The following LRMDA variants were observed in gnomAD, a reference collection of about 807,000 sequenced individuals.
The protein encoded by LRMDA is leucine-rich melanocyte differentiation-associated protein.
A neutral mutation model predicts 29.8 loss-of-function variants in LRMDA; 18 were observed. The ratio of observed to expected loss-of-function variants is 0.60; its 90% confidence interval spans 0.42 to 0.90. The LOEUF is 0.90. Among genes scored for constraint, LRMDA ranks in the 40% least tolerant of loss-of-function variants. The probability of loss-of-function intolerance (pLI) is 0.00; values close to 1 mark genes in which losing one functional copy is unlikely to be tolerated. For missense variants in LRMDA, 273 were observed against 273.9 expected (o/e 1.00, Z 0.02); for synonymous variants, 125 against 109.4 (o/e 1.14, Z -0.89).
intron 6 of LRMDA, among the ~76,000 whole-genome samples, chr10:76,554,001 A>G (rs1433638724): frequency 6.6e-6 from 1 of 152,096 alleles, no homozygotes; most frequent in Admixed American, 6.5e-5. Flanking sequence ...CAAGTAGCCA[A>G]GATATCAGTG....
intron 2 of LRMDA, among the ~76,000 whole-genome samples, chr10:75,589,799 G>A (rs541486533): frequency 2.4e-4 from 36 of 150,254 alleles, no homozygotes; most frequent in Non-Finnish European, 5.0e-4. Context: ...GAGAGTTTTT[G>A]GAGCTCTTTG....
intron 2 of LRMDA, among the ~76,000 whole-genome samples, chr10:75,810,283 T>C (rs1843935337): frequency 6.6e-6 from 1 of 152,052 alleles, no homozygotes; most frequent in Admixed American, 6.5e-5. Flanking sequence ...GACACTGGGT[T>C]TGGATTTTGC....
intron 6 of LRMDA, among the ~76,000 whole-genome samples, chr10:76,441,347 T>C (rs1342554991): frequency 6.6e-6 from 1 of 152,238 alleles, no homozygotes; most frequent in Non-Finnish European, 1.5e-5. Context: ...CAATTTCATT[T>C]TTTATCCTCA....
chr10:76,072,961 G>T (rs1005815345), intron 5 of LRMDA, among the ~76,000 whole-genome samples: 17 of 152,226 alleles, frequency 1.1e-4, no homozygotes, highest in Non-Finnish European at 1.9e-4. Context: ...GGTGTTTCCA[G>T]CATCGCAGAT....
At chr10:75,860,312 T>G (rs894506647) in intron 2 of LRMDA, among the ~76,000 whole-genome samples, 4 of 14,308 alleles carry the variant, frequency 2.8e-4, no homozygotes, top group African/African-American at 2.3e-3. Flanking sequence ...ATGTTTCTGG[T>G]TTTTTTTTTT....
chr10:75,598,267 C>T (rs1840826230), intron 2 of LRMDA, among the ~76,000 whole-genome samples: 1 of 152,170 alleles, frequency 6.6e-6, no homozygotes. Context: ...ATGAGTCCAA[C>T]TTTCGGTAGC....
chr10:76,032,067 T>G (rs980657675), intron 2 of LRMDA, among the ~76,000 whole-genome samples: 1 of 152,164 alleles, frequency 6.6e-6, no homozygotes, highest in African/African-American at 2.4e-5. Context: ...TTCTGGCTGG[T>G]TTTTGGCTGG....
rs936217666 is a variant in LRMDA at position 75,751,333 on chromosome 10, G to C, written c.132-284675G>C. ...AGAGAGGGAGAGGGAGAGGGAGACC[G>C]GGGAGAGGGAGAGGGAGACTGGGGA... On this transcript the variant is annotated intron_variant, in intron 2 of 6. Coordinates refer to ENST00000611255, the MANE Select transcript of LRMDA (RefSeq NM_001305581.2). Among the ~76,000 whole-genome samples, 5 of 151,680 alleles carry C rather than the reference G, an allele frequency of 3.3e-5. No homozygotes were observed. The South Asian group carries it at 6.3e-4, about 19-fold the overall frequency.
intron 2 of LRMDA, among the ~76,000 whole-genome samples, chr10:75,731,614 C>G (rs893660364): frequency 6.6e-6 from 1 of 152,206 alleles, no homozygotes; most frequent in African/African-American, 2.4e-5. Context: ...AGAAGTCATT[C>G]CCATCTCTGG....
chr10:76,268,974 T>G (rs1212635354), intron 5 of LRMDA, among the ~76,000 whole-genome samples: 1 of 152,180 alleles, frequency 6.6e-6, no homozygotes, highest in Non-Finnish European at 1.5e-5. Context: ...AGAAGGGCCC[T>G]GGATTTACAT....
chr10:75,535,025 T>C (rs1280937040), intron 2 of LRMDA, among the ~76,000 whole-genome samples: 3 of 152,208 alleles, frequency 2.0e-5, no homozygotes, highest in African/African-American at 7.2e-5. Flanking sequence ...CTGTCCACCA[T>C]GAAGAGGCTT....
At chr10:76,477,881 C>T (rs1347942119) in intron 6 of LRMDA, among the ~76,000 whole-genome samples, 1 of 152,116 alleles carries the variant, frequency 6.6e-6, no homozygotes, top group Admixed American at 6.6e-5. Flanking sequence ...CCTTTCCTTA[C>T]ACCTTATAGA....
intron 6 of LRMDA, among the ~76,000 whole-genome samples, chr10:76,386,796 A>C (rs1841665134): frequency 6.6e-6 from 1 of 151,986 alleles, no homozygotes; most frequent in South Asian, 2.1e-4. Flanking sequence ...GCTAGGAGAT[A>C]ATATTTTAAA....
intron 2 of LRMDA, among the ~76,000 whole-genome samples, chr10:75,772,541 G>A (rs1843254702): frequency 6.6e-6 from 1 of 152,216 alleles, no homozygotes; most frequent in Non-Finnish European, 1.5e-5. Context: ...AGGGATGAAT[G>A]CTACTTGGAA....
In LRMDA at chr10:75,600,479, C is replaced by T. The variant is rs1423983987; in HGVS notation, c.131+161985C>T. 2.0e-5 allele frequency among the ~76,000 whole-genome samples: 3 copies of T among 152,142 alleles called. No homozygotes were observed. The East Asian group carries it at 5.8e-4, about 29-fold the overall frequency. On this transcript the variant is annotated intron_variant, in intron 2 of 6. Transcript: ENST00000611255. ...TGCCACTGATCCTGTAGCTAAATTA[C>T]CCTATATAAACAAGCCTTTGTTATT... is the stretch of plus-strand genomic sequence containing the variant.
intron 6 of LRMDA, among the ~76,000 whole-genome samples, chr10:76,472,197 A>C (rs1172714429): frequency 2.0e-5 from 3 of 151,868 alleles, no homozygotes; most frequent in Non-Finnish European, 4.4e-5. Context: ...CAATAAATTT[A>C]ACTGGGTAAA....
intron 2 of LRMDA, among the ~76,000 whole-genome samples, chr10:75,441,713 TA>T (rs57604045): frequency 2.6e-5 from 4 of 152,028 alleles, no homozygotes; most frequent in African/African-American, 7.2e-5. Flanking sequence ...TTGTTATATA[TA>T]AAAAAATTAA....
At chr10:76,150,455 C>A (rs1850419060) in intron 5 of LRMDA, among the ~76,000 whole-genome samples, 1 of 152,220 alleles carries the variant, frequency 6.6e-6, no homozygotes, top group Non-Finnish European at 1.5e-5. Context: ...TTCCCCTCCC[C>A]TGCCAGGAAA....
chr10:76,251,171 T>G (rs1372135444), intron 5 of LRMDA, among the ~76,000 whole-genome samples: 1 of 150,532 alleles, frequency 6.6e-6, no homozygotes, highest in East Asian at 2.0e-4. Flanking sequence ...CTGGTCACAC[T>G]GATATCATGA....
Sources: allele counts gnomAD v4.1 joint callset (sites outside exome capture counted in the v4.1 genomes callset), GRCh38; gene constraint gnomAD v4.1.1; transcripts MANE v1.5; gene names NCBI Gene and HGNC (gene_info 2026-07-23, HGNC 2026-07-21).